The following WNK3 variants were observed in gnomAD, a reference collection of about 807,000 sequenced individuals.
WNK3 encodes WNK lysine deficient protein kinase 3, also known as serine/threonine-protein kinase WNK3.
Under a neutral mutation model 116.7 loss-of-function variants are expected in WNK3, and 18 were observed. The observed-to-expected ratio is 0.15, with a 90% CI of 0.11 to 0.23. WNK3 has a LOEUF of 0.23. Ranked by LOEUF, WNK3 falls within the 10% of genes least tolerant of loss-of-function variation. The probability of loss-of-function intolerance (pLI) is 1.00; values close to 1 mark genes in which losing one functional copy is unlikely to be tolerated. For synonymous variants in WNK3, 404 were observed against 469.4 expected (o/e 0.86, Z 1.80); for missense variants, 993 against 1,323.8 (o/e 0.75, Z 3.88).
chrX:54,299,657 T>G (rs2068737207), intron 6 of WNK3, among the ~76,000 whole-genome samples: 1 of 108,978 alleles, frequency 9.2e-6, no homozygotes, highest in Admixed American at 1.0e-4. Context: ...ATCTCTTGAT[T>G]TTGTGATCCG....
intron 1 of WNK3, among the ~76,000 whole-genome samples, chrX:54,351,760 A>G (rs1261963874): frequency 9.0e-6 from 1 of 110,863 alleles, no homozygotes; most frequent in African/African-American, 3.3e-5. Context: ...AAAAATACAA[A>G]AACTAGTTGG....
intron 15 of WNK3, among the ~76,000 whole-genome samples, chrX:54,250,914 G>C (rs942369064): frequency 9.9e-5 from 11 of 111,020 alleles, no homozygotes; most frequent in Non-Finnish European, 1.9e-4. Context: ...CCTAGTTTTC[G>C]CTTCTGGAAG....
rs113125909 is a variant in WNK3, at chrX:54,292,693, C to T, written c.2037+195G>A. Among the ~76,000 whole-genome samples, 392 of 86,024 alleles carry T rather than the reference C, an allele frequency of 4.6e-3. 2 individuals are homozygous for T. Among genetic ancestry groups the T allele is most frequent in the African/African-American group, 0.017 (366 of 21,472 alleles). 74.7% of individuals were successfully genotyped at this position (86,024 alleles called of 115,157 possible). ...TGCACTCCAGCCTGGGCAGCAAGAG[C>T]GACACTCCACCTCAAAAAAAAAAAA... On this transcript the variant is annotated intron_variant, in intron 10 of 23. Transcript: ENST00000354646.
At chrX:54,325,863 C>G (rs1300596185) in intron 2 of WNK3, among the ~76,000 whole-genome samples, 1 of 109,723 alleles carries the variant, frequency 9.1e-6, no homozygotes. Context: ...CTATTACAAA[C>G]TCCTGTGACT....
Position 54,300,412 on chromosome X carries a change from G to A in WNK3, c.1178+1359C>T, listed in dbSNP as rs142159798. 7.8e-3 allele frequency among the ~76,000 whole-genome samples: 851 copies of A among 109,746 alleles called. 9 individuals are homozygous for A. The highest frequency in any genetic ancestry group is 0.027 in the African/African-American group (809 of 30,188). The stretch of plus-strand genomic sequence containing the variant: ...TGGCCTCAAGTGATCCTCCTGCCTC[G>A]GCCTCCCAAAGTGCTAGGATTACAG... On this transcript the variant is annotated intron_variant, in intron 6 of 23. Transcript: ENST00000354646.
chrX:54,333,260 T>G (rs782754505), exon 2 of WNK3: 1 of 1,209,396 alleles, frequency 8.3e-7, no homozygotes, highest in African/African-American at 1.7e-5. Context: ...GAGAAGTAGC[T>G]ACAGCCTTCA....
At chrX:54,319,746 T>TA (rs1190723070) in intron 2 of WNK3, among the ~76,000 whole-genome samples, 1 of 112,161 alleles carries the variant, frequency 8.9e-6, no homozygotes, top group Non-Finnish European at 1.9e-5. Context: ...GGAAAATACT[T>TA]AGAGTAGAGC....
intron 1 of WNK3, among the ~76,000 whole-genome samples, chrX:54,338,953 G>A (rs1479970559): frequency 9.8e-6 from 1 of 101,577 alleles, no homozygotes; most frequent in Non-Finnish European, 2.0e-5. Context: ...AGTGAGCCAA[G>A]ACCATGCCAC....
intron 2 of WNK3, among the ~76,000 whole-genome samples, chrX:54,329,074 G>A (rs1321697897): frequency 1.8e-5 from 2 of 112,062 alleles, no homozygotes; most frequent in African/African-American, 3.2e-5. Context: ...TCATGTTAGT[G>A]TATTAAAGGA....
intron 2 of WNK3, among the ~76,000 whole-genome samples, chrX:54,316,294 T>C (rs374276251): frequency 1.8e-5 from 2 of 110,155 alleles, no homozygotes; most frequent in South Asian, 3.9e-4. Context: ...ACCCCAGCAC[T>C]TTGGGAGGCC....
At chrX:54,225,621 A>C (rs1173632040) in intron 22 of WNK3, among the ~76,000 whole-genome samples, 3 of 78,535 alleles carry the variant, frequency 3.8e-5, no homozygotes, top group Non-Finnish European at 6.6e-5. Context: ...ACTCTGTTTC[A>C]AAAAAAAAAA....
chrX:54,328,179 A>T (rs2069128224), intron 2 of WNK3, among the ~76,000 whole-genome samples: 1 of 109,689 alleles, frequency 9.1e-6, no homozygotes, highest in African/African-American at 3.3e-5. Flanking sequence ...AAAGAATGAA[A>T]AAGAATCTAG....
intron 10 of WNK3, among the ~76,000 whole-genome samples, chrX:54,289,163 A>G (rs1407647415): frequency 9.0e-6 from 1 of 111,249 alleles, no homozygotes; most frequent in Non-Finnish European, 1.9e-5. Flanking sequence ...GTCTTTGCCA[A>G]ATATGAGGGC....
At chrX:54,224,570 C>CT (rs1317353377) in intron 22 of WNK3, among the ~76,000 whole-genome samples, 23 of 103,215 alleles carry the variant, frequency 2.2e-4, no homozygotes, top group Admixed American at 6.3e-4. Context: ...TTGGAGACTT[C>CT]TTTTTTTTTT....
At chrX:54,198,648 A>G (rs1557140959) in exon 24 of WNK3, 7 of 1,168,467 alleles carry the variant, frequency 6.0e-6, no homozygotes, top group Non-Finnish European at 6.9e-6. Flanking sequence ...TAGTAGACGG[A>G]GTATTCTAAG....
chrX:54,301,403 A>G (rs2068757444), intron 6 of WNK3, among the ~76,000 whole-genome samples: 1 of 111,235 alleles, frequency 9.0e-6, no homozygotes, highest in Non-Finnish European at 1.9e-5. Flanking sequence ...TATTAGCTTT[A>G]TCATTATCAT....
chrX:54,273,364 G>A (rs782241846), intron 10 of WNK3, among the ~76,000 whole-genome samples: 10 of 111,382 alleles, frequency 9.0e-5, no homozygotes, highest in South Asian at 3.8e-4. Flanking sequence ...AGGCCGAGGC[G>A]GGTAGATCAC....
At chrX:54,337,893 C>A (rs1557175725) in intron 1 of WNK3, among the ~76,000 whole-genome samples, 1 of 109,740 alleles carries the variant, frequency 9.1e-6, no homozygotes, top group African/African-American at 3.3e-5. Context: ...ATGGCAAGAC[C>A]CCATCTCTAC....
At chrX:54,292,862 T>C in intron 10 of WNK3, 26 bp downstream of exon 10, 1 of 1,196,932 alleles carries the variant, frequency 8.4e-7, no homozygotes, top group East Asian at 3.0e-5. Flanking sequence ...TTTAAATGAA[T>C]ACAGAACCTC....
Sources: allele counts gnomAD v4.1 joint callset (sites outside exome capture counted in the v4.1 genomes callset), GRCh38; gene constraint gnomAD v4.1.1; transcripts MANE v1.5; gene names NCBI Gene and HGNC (gene_info 2026-07-23, HGNC 2026-07-21).